The following JMJD1C variants were observed in gnomAD, a reference collection of about 807,000 sequenced individuals.
JMJD1C encodes jumonji domain containing 1C, also known as jumonji domain-containing protein 1C.
A neutral mutation model predicts 245.3 loss-of-function variants in JMJD1C; 31 were observed. The observed-to-expected ratio is 0.13, with a 90% CI of 0.09 to 0.17. JMJD1C has a LOEUF of 0.17. Among genes scored for constraint, JMJD1C ranks in the 10% least tolerant of loss-of-function variants. JMJD1C has a pLI of 1.00. For missense variants in JMJD1C, 2,691 were observed against 3,000.2 expected (o/e 0.90, Z 2.41); for synonymous variants, 1,057 against 1,017.4 (o/e 1.04, Z -0.74).
At chr10:63,497,000 A>G (rs1274596769) in intron 1 of JMJD1C, among the ~76,000 whole-genome samples, 1 of 152,208 alleles carries the variant, frequency 6.6e-6, no homozygotes, top group Non-Finnish European at 1.5e-5. Context: ...TATGAAAGAA[A>G]CAAACCTTTG....
chr10:63,337,787 C>T (rs2057637402), intron 2 of JMJD1C, among the ~76,000 whole-genome samples: 1 of 152,078 alleles, frequency 6.6e-6, no homozygotes, highest in Admixed American at 6.5e-5. Context: ...ATCATGCTCT[C>T]ATGCCCTTTT....
At chr10:63,185,432 G>C in intron 20 of JMJD1C, 131 bp downstream of exon 20, 1 of 679,678 alleles carries the variant, frequency 1.5e-6, no homozygotes, top group South Asian at 1.7e-5. Flanking sequence ...ATGACGCTCA[G>C]CCTCAAGTTA....
intron 1 of JMJD1C, among the ~76,000 whole-genome samples, chr10:63,398,650 T>TAAA (rs1314706467): frequency 1.3e-5 from 2 of 152,054 alleles, no homozygotes; most frequent in East Asian, 3.9e-4. Flanking sequence ...AAAAAATTTT[T>TAAA]TTTTTTTTTT....
chr10:63,490,816 A>G (rs1954149558), intron 1 of JMJD1C, among the ~76,000 whole-genome samples: 1 of 152,216 alleles, frequency 6.6e-6, no homozygotes, highest in Non-Finnish European at 1.5e-5. Context: ...GTTTTGTTTA[A>G]TCACCAACTT....
At chr10:63,308,218 T>C (rs1016658763) in intron 2 of JMJD1C, among the ~76,000 whole-genome samples, 3 of 152,092 alleles carry the variant, frequency 2.0e-5, no homozygotes, top group African/African-American at 7.2e-5. Context: ...ACTTCAGCCA[T>C]TTTCCCCGAC....
chr10:63,336,225 C>T (rs1942716096), intron 2 of JMJD1C, among the ~76,000 whole-genome samples: 1 of 151,898 alleles, frequency 6.6e-6, no homozygotes, highest in East Asian at 1.9e-4. Context: ...TTTGGGAGGC[C>T]GAAGGCAGGA....
intron 1 of JMJD1C, among the ~76,000 whole-genome samples, chr10:63,452,797 A>G (rs1952152252): frequency 6.6e-6 from 1 of 152,188 alleles, no homozygotes; most frequent in East Asian, 1.9e-4. Flanking sequence ...CATTATGCTA[A>G]GTTAAAATAA....
chr10:63,408,866 G>C (rs1357559782), intron 1 of JMJD1C, among the ~76,000 whole-genome samples: 3 of 152,064 alleles, frequency 2.0e-5, no homozygotes, highest in Non-Finnish European at 4.4e-5. Context: ...GGCCAGTACA[G>C]ATATAAAGGC....
chr10:63,493,461 T>C (rs527322231), intron 1 of JMJD1C, among the ~76,000 whole-genome samples: 4 of 151,948 alleles, frequency 2.6e-5, no homozygotes, highest in Admixed American at 2.6e-4. Flanking sequence ...TTTGTATTTT[T>C]AATAGAGACA....
rs1282310086 is a variant in JMJD1C at position 63,167,337 on chromosome 10, ACAT to A, written c.*705_*707del. The A allele has an allele frequency of 6.6e-6, 1 of 152,620 alleles. No individual in the cohort carries two copies. The highest frequency in any genetic ancestry group is 1.5e-5 in the Non-Finnish European group (1 of 68,036). The allele number at this position is 152,620 out of a possible 1,614,324, so 9.5% of individuals were successfully genotyped here. ...AAGCAAGCCAATGTTTTAAAAAAATACATCATTAAATGTATATATGTATATATT... is the reference window on the plus strand; with the variant it reads ...AAGCAAGCCAATGTTTTAAAAAAATACATTAAATGTATATATGTATATATT... On this transcript the variant is annotated 3_prime_UTR_variant, in exon 26 of 26. Transcript: ENST00000399262.
intron 2 of JMJD1C, among the ~76,000 whole-genome samples, chr10:63,373,773 G>A (rs986010126): frequency 6.6e-6 from 1 of 151,956 alleles, no homozygotes; most frequent in African/African-American, 2.4e-5. Flanking sequence ...ATTTCATTAC[G>A]CTGTAGGAAT....
At position 63,207,573 on chromosome 10, in the gene JMJD1C, T is replaced by C; in HGVS notation, c.4096A>G (p.Thr1366Ala). ...LPNVNSDSVH[T>A]KSEKNFQAVS... ...GCCTGAAAGTTTTTTTCAGATTTTGTGTGAACACTGTCTGAATTCACATTT... is the reference window on the plus strand; with the variant it reads ...GCCTGAAAGTTTTTTTCAGATTTTGCGTGAACACTGTCTGAATTCACATTT... The change falls in exon 10 of 26, where the codon ACA (threonine) becomes GCA (alanine). Residue 1366 changes from threonine to alanine, a missense_variant. Transcript: ENST00000399262. The C allele has an allele frequency of 6.2e-7, 1 of 1,614,220 alleles. No individual in the cohort carries two copies. Among genetic ancestry groups the C allele is most frequent in the Non-Finnish European group, 8.5e-7 (1 of 1,180,040 alleles).
At chr10:63,216,284 C>G (rs1847966297) in intron 5 of JMJD1C, among the ~76,000 whole-genome samples, 1 of 152,086 alleles carries the variant, frequency 6.6e-6, no homozygotes, top group South Asian at 2.1e-4. Context: ...ATCAGATAAT[C>G]TCCACAATAC....
At chr10:63,298,903 G>A (rs1859755788) in intron 2 of JMJD1C, among the ~76,000 whole-genome samples, 1 of 151,910 alleles carries the variant, frequency 6.6e-6, no homozygotes, top group East Asian at 1.9e-4. Flanking sequence ...TGGCTTTTTT[G>A]TATTTTTAGT....
At chr10:63,500,622 C>T (rs887743867) in intron 1 of JMJD1C, among the ~76,000 whole-genome samples, 1 of 152,032 alleles carries the variant, frequency 6.6e-6, no homozygotes, top group Non-Finnish European at 1.5e-5. Flanking sequence ...ATCCCAGCTA[C>T]TTGAGAGGCA....
At chr10:63,242,917 T>C (rs2133526093) in intron 3 of JMJD1C, among the ~76,000 whole-genome samples, 1 of 151,916 alleles carries the variant, frequency 6.6e-6, no homozygotes, top group South Asian at 2.1e-4. Context: ...ATCATACCTA[T>C]TTTATAGATA....
At chr10:63,424,072 T>A (rs2132768263) in intron 1 of JMJD1C, among the ~76,000 whole-genome samples, 1 of 152,314 alleles carries the variant, frequency 6.6e-6, no homozygotes, top group East Asian at 1.9e-4. Context: ...TGTATTTTTT[T>A]AATTAAAAAA....
At position 63,172,004 on chromosome 10, in the gene JMJD1C, T is replaced by C. The variant is rs572484467; in HGVS notation, c.7402-3438A>G. ...CGGACAACATCCTTTCAACAGAGTA[T>C]AAAGAGCTGTGTTGTTGTCATTACA... On this transcript the variant is annotated intron_variant, in intron 24 of 25. Coordinates refer to ENST00000399262, the MANE Select transcript of JMJD1C (RefSeq NM_032776.3). Among the ~76,000 whole-genome samples, 116 of 152,310 alleles carry C rather than the reference T, an allele frequency of 7.6e-4. No individual in the cohort carries two copies. In the South Asian group the frequency reaches 9.7e-3, roughly 13 times the overall value.
intron 3 of JMJD1C, among the ~76,000 whole-genome samples, chr10:63,258,292 C>G (rs563973782): frequency 6.6e-6 from 1 of 152,310 alleles, no homozygotes; most frequent in South Asian, 2.1e-4. Context: ...TTTGCTTGAA[C>G]TGATGTCAAA....
Sources: gnomAD v4.1 joint callset for allele counts (sites outside exome capture counted in the v4.1 genomes callset) on GRCh38, gnomAD v4.1.1 for gene constraint, MANE v1.5 for transcripts, NCBI Gene and HGNC (gene_info 2026-07-23, HGNC 2026-07-21) for gene names.